The following ZNHIT6 variants were observed in gnomAD, a reference collection of about 807,000 sequenced individuals.
ZNHIT6 encodes the protein box C/D snoRNA protein 1.
In ZNHIT6, 45 loss-of-function variants were observed where a neutral mutation model predicts 57.2. The observed-to-expected ratio is 0.79, with a 90% confidence interval of 0.62 to 1.01. The LOEUF is 1.01. Among genes scored for constraint, ZNHIT6 ranks in the 50% least tolerant of loss-of-function variants. The pLI is 0.00. For missense variants in ZNHIT6, 528 were observed against 567.3 expected, an observed-to-expected ratio of 0.93 and a Z score of 0.70; for synonymous variants, 188 against 190.0, an observed-to-expected ratio of 0.99 and a Z score of 0.09.
At position 85,707,614 on chromosome 1, in the gene ZNHIT6, TC is replaced by T; in HGVS notation, c.656+14del. The T allele has an allele frequency of 1.0e-5, 16 of 1,529,516 alleles. No homozygotes were observed. The highest frequency in any genetic ancestry group is 1.4e-5 in the Non-Finnish European group (16 of 1,143,712). The allele number at this position is 1,529,516 out of a possible 1,614,324, so 94.7% of individuals were successfully genotyped here. ...CACAGCTTTATTCCCCTAAATGGAA[TC>T]CCCCATGCCCTACCTTGACATGGCC... On this transcript the variant is annotated intron_variant, in intron 1 of 9. Transcript: ENST00000370574.
At chr1:85,683,062 CA>C (rs1570312162) in intron 5 of ZNHIT6, among the ~76,000 whole-genome samples, 1 of 151,850 alleles carries the variant, frequency 6.6e-6, no homozygotes, top group African/African-American at 2.4e-5. Context: ...ACAAAAAATA[CA>C]AAAATGAGCC....
At chr1:85,667,961 A>AAAAAAAAAAAAAAAATATAT in intron 8 of ZNHIT6, among the ~76,000 whole-genome samples, 13 of 18,202 alleles carry the variant, frequency 7.1e-4, no homozygotes, top group Admixed American at 1.3e-3. Flanking sequence ...AAAAAAAAAA[A>AAAAAAAAAAAAAAAATATAT]ATATATATAT....
intron 8 of ZNHIT6, among the ~76,000 whole-genome samples, chr1:85,668,686 T>C (rs1476813074): frequency 2.0e-5 from 3 of 152,218 alleles, no homozygotes; most frequent in Non-Finnish European, 4.4e-5. Flanking sequence ...AATTATTCAC[T>C]GTAAGTCTAA....
rs1661726124 is a variant in ZNHIT6 at position 85,677,192 on chromosome 1, G to C, written c.1247+44C>G. 8 of 1,454,048 alleles carry C rather than the reference G, an allele frequency of 5.5e-6. No individual in the cohort carries two copies. In the East Asian group the frequency reaches 1.9e-4, roughly 34 times the overall value. 90.1% of individuals were successfully genotyped at this position (1,454,048 alleles called of 1,614,324 possible). A position where few individuals can be genotyped will look rare whatever the true frequency, so the allele number is the denominator to read the frequency against. On this transcript the variant is annotated intron_variant, in intron 8 of 9. Coordinates refer to ENST00000370574, the MANE Select transcript of ZNHIT6 (RefSeq NM_017953.4). ...AATCAAGCTACTTAATTATATTACAGAACTAAAAAATATTTAAAGAAATGG... is the reference window on the plus strand; with the variant it reads ...AATCAAGCTACTTAATTATATTACACAACTAAAAAATATTTAAAGAAATGG...
At chr1:85,655,591 T>G (rs1034598033) in intron 9 of ZNHIT6, among the ~76,000 whole-genome samples, 7 of 152,202 alleles carry the variant, frequency 4.6e-5, no homozygotes, top group African/African-American at 1.2e-4. Context: ...GGTGCCCAGT[T>G]TTCTTCTTTG....
chr1:85,663,760 C>A (rs1265358741), intron 8 of ZNHIT6, among the ~76,000 whole-genome samples: 2 of 152,188 alleles, frequency 1.3e-5, no homozygotes, highest in African/African-American at 2.4e-5. Flanking sequence ...CCTCAACATT[C>A]GCTTATCTGA....
In ZNHIT6 at chr1:85,677,684, T is replaced by C. The variant is rs111776714; in HGVS notation, c.1170-371A>G. Among the ~76,000 whole-genome samples, 578 of 152,352 alleles carry C rather than the reference T, an allele frequency of 3.8e-3. 1 individual carries two copies. The highest frequency in any genetic ancestry group is 5.8e-3 in the Non-Finnish European group (393 of 68,030). ...TAGCTATTTTAAAGACTGCTTGATA[T>C]GTGACATGGGTCTGGTTCAGTCTGG... On this transcript the variant is annotated intron_variant, in intron 7 of 9. Transcript: ENST00000370574.
At chr1:85,665,173 G>A (rs1661335392) in intron 8 of ZNHIT6, among the ~76,000 whole-genome samples, 1 of 151,934 alleles carries the variant, frequency 6.6e-6, no homozygotes, top group African/African-American at 2.4e-5. Context: ...AGGTAATTCA[G>A]TTCCTAACCC....
intron 8 of ZNHIT6, among the ~76,000 whole-genome samples, chr1:85,664,266 A>T (rs1661305120): frequency 6.6e-6 from 1 of 151,568 alleles, no homozygotes; most frequent in African/African-American, 2.4e-5. Flanking sequence ...ATTTTTCTTT[A>T]TTTTTGTCTG....
intron 5 of ZNHIT6, among the ~76,000 whole-genome samples, chr1:85,692,620 A>G (rs946332525): frequency 1.3e-5 from 2 of 152,084 alleles, no homozygotes; most frequent in African/African-American, 4.8e-5. Context: ...CATGACCACA[A>G]CTGCTAAACC....
chr1:85,686,002 C>A (rs1048227275), intron 5 of ZNHIT6, among the ~76,000 whole-genome samples: 1 of 151,222 alleles, frequency 6.6e-6, no homozygotes, highest in Non-Finnish European at 1.5e-5. Flanking sequence ...CGCTCTGTCG[C>A]CCAGGCTGGA....
At chr1:85,662,294 C>G (rs1462227481) in intron 8 of ZNHIT6, among the ~76,000 whole-genome samples, 2 of 151,992 alleles carry the variant, frequency 1.3e-5, no homozygotes, top group Non-Finnish European at 2.9e-5. Flanking sequence ...AATACCAAAA[C>G]TAAGTTTGAA....
At position 85,653,865 on chromosome 1, in the gene ZNHIT6, A is replaced by G. The variant is rs1660982945; in HGVS notation, c.*193T>C. On this transcript the variant is annotated 3_prime_UTR_variant, in exon 10 of 10. Coordinates refer to ENST00000370574, the MANE Select transcript of ZNHIT6 (RefSeq NM_017953.4). The stretch of plus-strand genomic sequence containing the variant: ...GTGCAAAGGAGAGTTCTTAATATGA[A>G]TAAATGGGTCTTACAAGTCAATTAA... 1 of 567,006 alleles carries G rather than the reference A, an allele frequency of 1.8e-6. No individual in the cohort carries two copies. The highest frequency in any genetic ancestry group is 1.9e-5 in the African/African-American group (1 of 52,418). 35.1% of individuals were successfully genotyped at this position (567,006 alleles called of 1,614,324 possible).
intron 5 of ZNHIT6, among the ~76,000 whole-genome samples, chr1:85,693,511 T>G (rs1362834438): frequency 6.6e-6 from 1 of 152,180 alleles, no homozygotes; most frequent in Admixed American, 6.5e-5. Flanking sequence ...ACAAGTTACT[T>G]GGAATGTAGC....
Position 85,687,298 on chromosome 1 carries a change from A to AG in ZNHIT6, c.1020-6395_1020-6394insC, listed in dbSNP as rs1024153110. ...GACTATCTCAAAAAACAAAAAAAAA[A>AG]CAAAAAAAAAAAACAATTTAGAACC... is the stretch of plus-strand genomic sequence containing the variant. On this transcript the variant is annotated intron_variant, in intron 5 of 9. Coordinates refer to ENST00000370574, the MANE Select transcript of ZNHIT6 (RefSeq NM_017953.4). Among the ~76,000 whole-genome samples, 5 of 130,604 alleles carry AG rather than the reference A, an allele frequency of 3.8e-5. 1 individual carries two copies. Among genetic ancestry groups the AG allele is most frequent in the Non-Finnish European group, 6.6e-5 (4 of 60,804 alleles). 85.7% of individuals were successfully genotyped at this position (130,604 alleles called of 152,430 possible). A position where few individuals can be genotyped will look rare whatever the true frequency, so the allele number is the denominator to read the frequency against.
rs2100674051 is a variant in ZNHIT6, at chr1:85,676,165, CG to C, written c.1247+1070del. Among the ~76,000 whole-genome samples the C allele has an allele frequency of 1.3e-5, 2 of 151,906 alleles. 1 individual carries two copies. The highest frequency in any genetic ancestry group is 4.2e-4 in the South Asian group (2 of 4,806). On this transcript the variant is annotated intron_variant, in intron 8 of 9. Coordinates refer to ENST00000370574, the MANE Select transcript of ZNHIT6 (RefSeq NM_017953.4). ...CAGCCTGACCAACATGGAGAAACCC[CG>C]TCTCTACTAAAAATACAAAATTAGC...
chr1:85,688,050 A>C (rs1392738880), intron 5 of ZNHIT6, among the ~76,000 whole-genome samples: 1 of 152,140 alleles, frequency 6.6e-6, no homozygotes, highest in African/African-American at 2.4e-5. Context: ...TCAAAAAAAA[A>C]AAAAAAAGAA....
Position 85,708,153 on chromosome 1 carries a change from G to C in ZNHIT6, c.132C>G (p.Gly44=). Residue 44 remains glycine (G), a synonymous_variant, in exon 1 of 10, where the codon GGC becomes GGG. Coordinates refer to ENST00000370574, the MANE Select transcript of ZNHIT6 (RefSeq NM_017953.4). ...RDLAGAEEFG[G]GEEGTGLTGI... ...CTGTCAGCCCTGTCCCCTCCTCTCC[G>C]CCGCCGAACTCCTCCGCCCCTGCTA... is the stretch of plus-strand genomic sequence containing the variant. The C allele has an allele frequency of 6.2e-7, 1 of 1,613,750 alleles. No homozygotes were observed. Among genetic ancestry groups the C allele is most frequent in the Non-Finnish European group, 8.5e-7 (1 of 1,179,956 alleles).
At chr1:85,667,961 A>AAAAAAAAAAAAAAAAAAAATATATATAT in intron 8 of ZNHIT6, among the ~76,000 whole-genome samples, 1 of 18,200 alleles carries the variant, frequency 5.5e-5, no homozygotes, top group Non-Finnish European at 9.9e-5. Context: ...AAAAAAAAAA[A>AAAAAAAAAAAAAAAAAAAATATATATAT]ATATATATAT....
Sources: gnomAD v4.1 joint callset for allele counts (sites outside exome capture counted in the v4.1 genomes callset) on GRCh38, gnomAD v4.1.1 for gene constraint, MANE v1.5 for transcripts, NCBI Gene and HGNC (gene_info 2026-07-23, HGNC 2026-07-21) for gene names.